The following LARP7 variants were observed in gnomAD, a reference collection of about 807,000 sequenced individuals.
LARP7 encodes La ribonucleoprotein 7, transcriptional regulator, also known as la-related protein 7.
In LARP7, 52 loss-of-function variants were observed where a neutral mutation model predicts 69.3. The observed-to-expected ratio is 0.75, with a 90% confidence interval of 0.60 to 0.95. LARP7 has a LOEUF of 0.95. Among genes scored for constraint, LARP7 ranks in the 40% least tolerant of loss-of-function variants. The pLI is 0.00. For missense variants in LARP7, 733 were observed against 673.0 expected, an observed-to-expected ratio of 1.09 and a Z score of -0.99; for synonymous variants, 254 against 215.9, an observed-to-expected ratio of 1.18 and a Z score of -1.55.
intron 2 of LARP7, chr4:112,645,604 A>ACCCCCTCAG: frequency 3.2e-6 from 1 of 311,826 alleles, no homozygotes. Context: ...CCCCACCTCC[A>ACCCCCTCAG]CCCCCTCAGC....
At position 112,648,310 on chromosome 4, in the gene LARP7, A is replaced by C. The variant is rs1173083313; in HGVS notation, c.1142+476A>C. 1.1e-5 allele frequency: 6 copies of C among 529,376 alleles called. No homozygotes were observed. The Admixed American group carries it at 1.2e-4, about 10-fold the overall frequency. The allele number at this position is 529,376 out of a possible 1,614,324, so 32.8% of individuals were successfully genotyped here. On this transcript the variant is annotated intron_variant, in intron 8 of 12. Coordinates refer to ENST00000344442, the MANE Select transcript of LARP7 (RefSeq NM_016648.4). ...AACCTGTAACAAGCTTAGTAACCTT[A>C]AAACACAATAACAAAAAAATTTTGT...
rs1399981384 is a variant in LARP7, at chr4:112,647,032, A to G, written c.553-2A>G. On this transcript the variant is annotated splice_acceptor_variant, in intron 5 of 12. Coordinates refer to ENST00000344442, the MANE Select transcript of LARP7 (RefSeq NM_016648.4). LOFTEE classifies it high-confidence loss of function. ...AAATAGTAACTTTTGCAATCATTTC[A>G]GTTTCTTAACAACCCACCAGAAGAA... 6.3e-7 allele frequency: 1 copy of G among 1,597,990 alleles called. No homozygotes were observed. Among genetic ancestry groups the G allele is most frequent in the Non-Finnish European group, 8.5e-7 (1 of 1,176,006 alleles).
At chr4:112,645,039 T>C (rs2048120445) in intron 2 of LARP7, among the ~76,000 whole-genome samples, 168 bp downstream of exon 2, 1 of 141,882 alleles carries the variant, frequency 7.0e-6, no homozygotes, top group Non-Finnish European at 1.5e-5. Context: ...CTCTGCCTCC[T>C]GGGTTCAAGT....
chr4:112,655,225 T>C (rs1430533616), intron 12 of LARP7: 3 of 152,220 alleles, frequency 2.0e-5, no homozygotes, highest in Non-Finnish European at 4.4e-5. Flanking sequence ...AATGTTAAAA[T>C]CACTAATCCA....
At position 112,646,574 on chromosome 4, in the gene LARP7, A is replaced by G. The variant is rs746004823; in HGVS notation, c.304-14A>G. On this transcript the variant is annotated splice_polypyrimidine_tract_variant and intron_variant, in intron 3 of 12. Coordinates refer to ENST00000344442, the MANE Select transcript of LARP7 (RefSeq NM_016648.4). ...ATAATATTAGTTTTATTAATGTAATATACTATTTTAAAGCTTGATTTGGAA... is the reference window on the plus strand; with the variant it reads ...ATAATATTAGTTTTATTAATGTAATGTACTATTTTAAAGCTTGATTTGGAA... The G allele has an allele frequency of 5.4e-6, 8 of 1,480,200 alleles. No homozygotes were observed. The highest frequency in any genetic ancestry group is 4.1e-5 in the Admixed American group (2 of 48,776). 91.7% of individuals were successfully genotyped at this position (1,480,200 alleles called of 1,614,324 possible). A position where few individuals can be genotyped will look rare whatever the true frequency, so the allele number is the denominator to read the frequency against.
chr4:112,638,767 CTCAGAATG>C (rs1322764115), intron 1 of LARP7, among the ~76,000 whole-genome samples: 1 of 152,212 alleles, frequency 6.6e-6, no homozygotes, highest in African/African-American at 2.4e-5. Context: ...CTGTGCATTT[CTCAGAATG>C]TGTCCTTGTC....
chr4:112,648,408 G>A (rs749371862), intron 8 of LARP7: 1 of 534,512 alleles, frequency 1.9e-6, no homozygotes, highest in Non-Finnish European at 3.8e-6. Context: ...CACACAGCAG[G>A]TACCCCCATG....
chr4:112,650,641 T>TG, intron 10 of LARP7, 59 bp downstream of exon 10: 1 of 1,518,120 alleles, frequency 6.6e-7, no homozygotes, highest in South Asian at 1.2e-5. Flanking sequence ...TTTCCCTGTG[T>TG]GAAAATGTTT....
In LARP7 at chr4:112,647,450, T is replaced by C; in HGVS notation, c.898T>C (p.Ser300Pro). 1.2e-6 allele frequency: 2 copies of C among 1,614,040 alleles called. No homozygotes were observed. The highest frequency in any genetic ancestry group is 1.7e-6 in the Non-Finnish European group (2 of 1,179,982). ...AACAGGGAAGAGGAAGAGAAGCAGC[T>C]CTGAAGATGCAGAATCCCTAGCTCC... The part of the protein sequence containing the change: ...VRTGKRKRSS[S>P]EDAESLAPRS... The change falls in exon 7 of 13, where the codon TCT (serine) becomes CCT (proline). Residue 300 changes from serine to proline, a missense_variant. By Grantham distance (74) the Ser-to-Pro change is moderately conservative (BLOSUM62 -1). Transcript: ENST00000344442.
At chr4:112,654,911 T>C (rs1490412124) in intron 12 of LARP7, 2 of 151,514 alleles carry the variant, frequency 1.3e-5, no homozygotes, top group African/African-American at 2.4e-5. Context: ...GTAAGAAAAA[T>C]GAAAAAGATG....
chr4:112,639,406 AT>A, intron 1 of LARP7, among the ~76,000 whole-genome samples: 1 of 150,736 alleles, frequency 6.6e-6, no homozygotes, highest in South Asian at 2.1e-4. Context: ...CTTTTTTTGT[AT>A]TTTTAGTAGA....
chr4:112,649,397 T>C, intron 8 of LARP7, 138 bp from the exon 9 acceptor site: 2 of 617,658 alleles, frequency 3.2e-6, no homozygotes, highest in Non-Finnish European at 5.3e-6. Context: ...ACCTAGGAAA[T>C]ATTTTGAATA....
At chr4:112,639,139 G>C (rs1035907085) in intron 1 of LARP7, among the ~76,000 whole-genome samples, 3 of 151,784 alleles carry the variant, frequency 2.0e-5, no homozygotes, top group African/African-American at 7.3e-5. Context: ...ATTTACAAAA[G>C]TGTATATAAA....
intron 12 of LARP7, among the ~76,000 whole-genome samples, chr4:112,656,977 A>C (rs1042302768): frequency 2.6e-5 from 4 of 152,064 alleles, no homozygotes; most frequent in African/African-American, 9.7e-5. Context: ...GTGTAATTTC[A>C]TTTGCCTTCC....
intron 2 of LARP7, chr4:112,645,625 C>G (rs1432652722): frequency 4.4e-6 from 2 of 452,886 alleles, no homozygotes; most frequent in Non-Finnish European, 8.8e-6. Context: ...CCCACCCAAG[C>G]GATCCTCCAT....
chr4:112,652,153 A>G (rs992992028), intron 10 of LARP7, among the ~76,000 whole-genome samples: 1 of 152,040 alleles, frequency 6.6e-6, no homozygotes, highest in African/African-American at 2.4e-5. Flanking sequence ...TTCTTATTCT[A>G]TGATGAAATA....
At chr4:112,653,036 T>G in intron 10 of LARP7, 41 bp from the exon 11 acceptor site, 3 of 1,496,928 alleles carry the variant, frequency 2.0e-6, no homozygotes, top group South Asian at 1.3e-5. Context: ...ATTGTGAAAC[T>G]TTTTAAATTT....
chr4:112,648,632 TAG>T (rs1368085141), intron 8 of LARP7: 17 of 424,846 alleles, frequency 4.0e-5, no homozygotes, highest in Non-Finnish European at 6.9e-5. Context: ...GGCATAACTT[TAG>T]AAGAAAAAAA....
Position 112,646,571 on chromosome 4 carries a change from A to T in LARP7, c.304-17A>T, listed in dbSNP as rs1434405856. 6.9e-6 allele frequency: 10 copies of T among 1,456,200 alleles called. No individual in the cohort carries two copies. Among genetic ancestry groups the T allele is most frequent in the Non-Finnish European group, 9.3e-6 (10 of 1,075,356 alleles). The allele number at this position is 1,456,200 out of a possible 1,614,324, so 90.2% of individuals were successfully genotyped here. Reference sequence around the variant, plus strand: ...TAAATAATATTAGTTTTATTAATGTAATATACTATTTTAAAGCTTGATTTG... The same window carrying T: ...TAAATAATATTAGTTTTATTAATGTTATATACTATTTTAAAGCTTGATTTG... On this transcript the variant is annotated splice_polypyrimidine_tract_variant and intron_variant, in intron 3 of 12. Transcript: ENST00000344442.
Sources: gnomAD v4.1 joint callset for allele counts (sites outside exome capture counted in the v4.1 genomes callset) on GRCh38, gnomAD v4.1.1 for gene constraint, MANE v1.5 for transcripts, NCBI Gene and HGNC (gene_info 2026-07-23, HGNC 2026-07-21) for gene names.